Variants in SCARB2 observed in about 807,000 individuals in gnomAD.
The protein encoded by SCARB2 is lysosome membrane protein 2.
Under a neutral mutation model 58.6 loss-of-function variants are expected in SCARB2, and 29 were observed. The ratio of observed to expected loss-of-function variants is 0.49; its 90% CI spans 0.37 to 0.67. SCARB2 has a LOEUF of 0.67. Ranked by LOEUF, SCARB2 falls within the 30% of genes least tolerant of loss-of-function variation. The probability of loss-of-function intolerance (pLI) is 0.00; values close to 1 mark genes in which losing one functional copy is unlikely to be tolerated. For missense variants in SCARB2, 488 were observed against 578.5 expected (o/e 0.84, Z 1.60); for synonymous variants, 195 against 210.1 (o/e 0.93, Z 0.62).
upstream of SCARB2, among the ~76,000 whole-genome samples, chr4:76,215,627 T>G (rs1405279179): frequency 6.6e-6 from 1 of 152,218 alleles, no homozygotes; most frequent in African/African-American, 2.4e-5. Flanking sequence ...TCCTGGAACT[T>G]CTGAAGCTAG....
In SCARB2 at chr4:76,159,712, C is replaced by T. The variant is rs1396126879; in HGVS notation, c.*2001G>A. On this transcript the variant is annotated 3_prime_UTR_variant, in exon 12 of 12. Transcript: ENST00000264896. ...ACTCCAGCCTGGCGACAGAGTGAGA[C>T]TCTCTCAAAAAAAAAAGAATCATGA... 2 of 151,904 alleles carry T rather than the reference C, an allele frequency of 1.3e-5. No individual in the cohort carries two copies. Among genetic ancestry groups the T allele is most frequent in the East Asian group, 3.9e-4 (2 of 5,186 alleles). The allele number at this position is 151,904 out of a possible 1,614,324, so 9.4% of individuals were successfully genotyped here. A position where few individuals can be genotyped will look rare whatever the true frequency, so the allele number is the denominator to read the frequency against.
At chr4:76,209,892 T>C (rs998788043) in intron 1 of SCARB2, among the ~76,000 whole-genome samples, 1 of 152,216 alleles carries the variant, frequency 6.6e-6, no homozygotes, top group Non-Finnish European at 1.5e-5. Context: ...TGCCATCCCA[T>C]CCCTTGTTGG....
intron 1 of SCARB2, among the ~76,000 whole-genome samples, chr4:76,227,689 T>G (rs1316353712): frequency 2.0e-5 from 3 of 152,202 alleles, no homozygotes; most frequent in Non-Finnish European, 4.4e-5. Context: ...ATACATGTTT[T>G]ATAAATTTGG....
intron 4 of SCARB2, among the ~76,000 whole-genome samples, chr4:76,177,902 G>A (rs1357036228): frequency 6.6e-6 from 1 of 152,218 alleles, no homozygotes; most frequent in Non-Finnish European, 1.5e-5. Flanking sequence ...TGACTGCTAA[G>A]AGAGTATGCA....
rs922439628 is a variant in SCARB2, at chr4:76,161,481, C to T, written c.*232G>A. 2 of 585,176 alleles carry T rather than the reference C, an allele frequency of 3.4e-6. No homozygotes were observed. Among genetic ancestry groups the T allele is most frequent in the South Asian group, 4.0e-5 (2 of 49,918 alleles). 36.2% of individuals were successfully genotyped at this position (585,176 alleles called of 1,614,324 possible). A position where few individuals can be genotyped will look rare whatever the true frequency, so the allele number is the denominator to read the frequency against. On this transcript the variant is annotated 3_prime_UTR_variant, in exon 12 of 12. Coordinates refer to ENST00000264896, the MANE Select transcript of SCARB2 (RefSeq NM_005506.4). ...TATACAAGGGTTTATTAAATACTTG[C>T]TAGACACATAAAAGAACAATTTCAG...
At chr4:76,199,432 G>C (rs1157896402) in intron 1 of SCARB2, among the ~76,000 whole-genome samples, 1 of 152,190 alleles carries the variant, frequency 6.6e-6, no homozygotes. Context: ...CATGCTGAAG[G>C]ATTTAGGAAC....
At chr4:76,162,776 A>G (rs1051379262) in intron 11 of SCARB2, 2 of 264,610 alleles carry the variant, frequency 7.6e-6, no homozygotes, top group African/African-American at 4.5e-5. Flanking sequence ...ATCCTCATGA[A>G]AAACTCATAA....
chr4:76,214,092 G>A (rs1733148172), upstream of SCARB2: 3 of 372,148 alleles, frequency 8.1e-6, no homozygotes, highest in African/African-American at 2.1e-5. Context: ...GCCGAACCTG[G>A]TTCACACACT....
At chr4:76,214,031 G>C (rs1161685914), upstream of SCARB2, 3 of 270,860 alleles carry the variant, frequency 1.1e-5, no homozygotes, top group Non-Finnish European at 2.2e-5. Flanking sequence ...GCCCGGCCTG[G>C]CCGCTCCCAG....
intron 1 of SCARB2, chr4:76,213,065 T>G: frequency 3.1e-6 from 1 of 324,284 alleles, no homozygotes; most frequent in South Asian, 2.6e-5. Flanking sequence ...TCTTCTGCGG[T>G]GTCTTTCATT....
At position 76,160,552 on chromosome 4, in the gene SCARB2, C is replaced by T. The variant is rs1731873824; in HGVS notation, c.*1161G>A. The T allele has an allele frequency of 6.6e-6, 1 of 152,118 alleles. No individual in the cohort carries two copies. The highest frequency in any genetic ancestry group is 6.5e-5 in the Admixed American group (1 of 15,274). The allele number at this position is 152,118 out of a possible 1,614,324, so 9.4% of individuals were successfully genotyped here. A position where few individuals can be genotyped will look rare whatever the true frequency, so the allele number is the denominator to read the frequency against. ...TTTTAAACATCCATCATTCTGTCAG[C>T]AAAATGATTGTCACAGGAAGTATAG... On this transcript the variant is annotated 3_prime_UTR_variant, in exon 12 of 12. Coordinates refer to ENST00000264896, the MANE Select transcript of SCARB2 (RefSeq NM_005506.4).
chr4:76,192,904 G>A (rs1732636090), intron 2 of SCARB2: 1 of 152,238 alleles, frequency 6.6e-6, no homozygotes. Context: ...AGGCTGTAGA[G>A]CAACCATTGC....
chr4:76,225,665 T>C (rs576514757), intron 1 of SCARB2, among the ~76,000 whole-genome samples: 1 of 152,212 alleles, frequency 6.6e-6, no homozygotes, highest in South Asian at 2.1e-4. Flanking sequence ...TTGTTTTTAA[T>C]TCTGTTGATG....
chr4:76,175,741 G>T (rs566230711), intron 6 of SCARB2, 50 bp downstream of exon 6: 2 of 1,604,604 alleles, frequency 1.2e-6, no homozygotes, highest in East Asian at 2.2e-5. Flanking sequence ...TGGTGGTCTT[G>T]CAGTGAAAGA....
At chr4:76,189,178 C>T (rs1370237717) in intron 2 of SCARB2, among the ~76,000 whole-genome samples, 2 of 152,166 alleles carry the variant, frequency 1.3e-5, no homozygotes, top group African/African-American at 2.4e-5. Context: ...GGTCACTGCA[C>T]CCCATGGAGC....
chr4:76,213,436 A>C lies in SCARB2; in HGVS notation c.108T>G (p.Ser36Arg), dbSNP rs754905491. 1 of 1,608,620 alleles carries C rather than the reference A, an allele frequency of 6.2e-7. No homozygotes were observed. The highest frequency in any genetic ancestry group is 8.5e-7 in the Non-Finnish European group (1 of 1,176,986). ...GCCCGCCCCGCCTCACCTTCTCGAT[A>C]CTCTGGTCTACAGCCTTCTGGAAGA... ...ARVFQKAVDQ[S>R]IEKKIVLRNG... The change falls in exon 1 of 12, where the codon AGT becomes AGG. Residue 36 changes from serine (S) to arginine (R), a missense_variant. Ser to Arg is a moderately radical substitution (Grantham distance 110). Transcript: ENST00000264896.
At chr4:76,228,479 A>T (rs1432869447) in intron 1 of SCARB2, among the ~76,000 whole-genome samples, 1 of 142,320 alleles carries the variant, frequency 7.0e-6, no homozygotes, top group Non-Finnish European at 1.6e-5. Context: ...CCTCCATCTT[A>T]AAAAAAAAAA....
rs552652242 is a variant in SCARB2, at chr4:76,207,388, T to C, written c.117+6039A>G. ...TTAAGAATATGAGGGGCCCAGGAGTTTAAATTGGATTATAAAATCTGCAAG... is the reference window on the plus strand; with the variant it reads ...TTAAGAATATGAGGGGCCCAGGAGTCTAAATTGGATTATAAAATCTGCAAG... On this transcript the variant is annotated intron_variant, in intron 1 of 11. Transcript: ENST00000264896. Among the ~76,000 whole-genome samples the C allele has an allele frequency of 5.3e-5, 8 of 152,320 alleles. No homozygotes were observed. The South Asian group carries it at 1.7e-3, about 32-fold the overall frequency.
Position 76,221,837 on chromosome 4 carries a change from G to A in SCARB2, c.-358+12466C>T, listed in dbSNP as rs558156734. ...CACTACCTGGGTGACAGGATCCTTC[G>A]CACACCAAACCTCAGCGACACCCAG... On this transcript the variant is annotated intron_variant, in intron 1 of 11. Coordinates refer to the SCARB2 transcript ENST00000638295. 2.6e-4 allele frequency among the ~76,000 whole-genome samples: 39 copies of A among 152,202 alleles called. No individual in the cohort carries two copies. In the South Asian group the frequency reaches 8.1e-3, roughly 32 times the overall value.
Sources: allele counts gnomAD v4.1 joint callset (sites outside exome capture counted in the v4.1 genomes callset), GRCh38; gene constraint gnomAD v4.1.1; transcripts MANE v1.5; gene names NCBI Gene and HGNC (gene_info 2026-07-23, HGNC 2026-07-21).